The following DNAJB4 variants were observed in gnomAD, a reference collection of about 807,000 sequenced individuals.
The protein encoded by DNAJB4 is dnaJ homolog subfamily B member 4.
In DNAJB4, 10 loss-of-function variants were observed where a neutral mutation model predicts 26.6. The observed-to-expected ratio is 0.38, with a 90% CI of 0.23 to 0.64. The LOEUF is 0.64. Among genes scored for constraint, DNAJB4 ranks in the 30% least tolerant of loss-of-function variants. DNAJB4 has a pLI of 0.58. For missense variants in DNAJB4, 328 were observed against 408.2 expected, an observed-to-expected ratio of 0.80 and a Z score of 1.69; for synonymous variants, 136 against 134.8, an observed-to-expected ratio of 1.01 and a Z score of -0.06.
intron 1 of DNAJB4, among the ~76,000 whole-genome samples, chr1:78,011,517 T>C (rs1034137686): frequency 3.3e-5 from 5 of 149,404 alleles, no homozygotes; most frequent in Admixed American, 1.3e-4. Context: ...GGAGTTTTGC[T>C]CCTGTTGCCC....
chr1:77,987,925 C>T (rs1379903219), intron 1 of DNAJB4, among the ~76,000 whole-genome samples: 1 of 146,614 alleles, frequency 6.8e-6, no homozygotes, highest in Non-Finnish European at 1.5e-5. Context: ...TATATATGTA[C>T]ATATATATAC....
intron 1 of DNAJB4, among the ~76,000 whole-genome samples, chr1:77,989,176 G>A (rs868477344): frequency 1.1e-4 from 16 of 152,170 alleles, no homozygotes; most frequent in Middle Eastern, 6.8e-3. Context: ...AATTGTCGTC[G>A]TCTACTTCCT....
At chr1:78,003,241 G>T (rs1014901023), upstream of DNAJB4, among the ~76,000 whole-genome samples, 1 of 151,968 alleles carries the variant, frequency 6.6e-6, no homozygotes, top group African/African-American at 2.4e-5. Flanking sequence ...GAGTCTTAAG[G>T]TGACTGGATA....
At chr1:77,991,255 C>CA (rs1215677748) in intron 1 of DNAJB4, among the ~76,000 whole-genome samples, 1 of 152,146 alleles carries the variant, frequency 6.6e-6, no homozygotes, top group African/African-American at 2.4e-5. Context: ...TGTTCAAAAA[C>CA]AATTTTTTAA....
intron 1 of DNAJB4, among the ~76,000 whole-genome samples, chr1:78,010,981 A>C (rs80040254): frequency 6.6e-6 from 1 of 152,308 alleles, no homozygotes; most frequent in African/African-American, 2.4e-5. Flanking sequence ...CCTGCCTTCA[A>C]ATCACTCACT....
chr1:77,988,071 G>T (rs1010453798), intron 1 of DNAJB4, among the ~76,000 whole-genome samples: 1 of 143,008 alleles, frequency 7.0e-6, no homozygotes, highest in African/African-American at 2.6e-5. Context: ...GGTCACTCAG[G>T]CTTGAGTGCA....
upstream of DNAJB4, chr1:77,979,529 G>T (rs1318942700): frequency 6.5e-6 from 1 of 153,398 alleles, no homozygotes; most frequent in African/African-American, 2.4e-5. Flanking sequence ...GCCGCCCGGA[G>T]GGCGCCAGGA....
chr1:77,984,405 C>T lies in DNAJB4; in HGVS notation c.-32+4083C>T, dbSNP rs892258933. On this transcript the variant is annotated intron_variant, in intron 1 of 2. Coordinates refer to the DNAJB4 transcript ENST00000426517. ...TCATCAAGAGTGCTTTTTAGCCGTA[C>T]GTGGACCTACTGAATCATGTTTTGG... Among the ~76,000 whole-genome samples the T allele has an allele frequency of 3.9e-5, 6 of 152,310 alleles. No individual in the cohort carries two copies. The South Asian group carries it at 8.3e-4, about 21-fold the overall frequency.
At chr1:78,006,876 C>G (rs78009488) in intron 1 of DNAJB4, among the ~76,000 whole-genome samples, 77 of 152,304 alleles carry the variant, frequency 5.1e-4, no homozygotes, top group Non-Finnish European at 9.8e-4. Context: ...TGGAATGACA[C>G]TGTGAATTCC....
chr1:77,980,373 G>GTA (rs1659545490), intron 1 of DNAJB4: 1 of 142,708 alleles, frequency 7.0e-6, no homozygotes, highest in Non-Finnish European at 1.5e-5. Flanking sequence ...GTGTGTGTGT[G>GTA]TAAATTGGTA....
At chr1:77,997,693 C>A (rs577777100) in intron 1 of DNAJB4, among the ~76,000 whole-genome samples, 2 of 152,136 alleles carry the variant, frequency 1.3e-5, no homozygotes, top group Non-Finnish European at 2.9e-5. Context: ...CTGTCAAAAT[C>A]TATCAGTCTT....
chr1:77,990,146 A>C (rs1659897272), intron 1 of DNAJB4, among the ~76,000 whole-genome samples: 1 of 152,210 alleles, frequency 6.6e-6, no homozygotes, highest in Non-Finnish European at 1.5e-5. Context: ...TAGAAAGAAG[A>C]TATGAATGGT....
At chr1:78,011,457 C>A (rs187451891) in intron 1 of DNAJB4, among the ~76,000 whole-genome samples, 37 of 151,610 alleles carry the variant, frequency 2.4e-4, no homozygotes, top group African/African-American at 8.5e-4. Flanking sequence ...ATTTTTTTCA[C>A]TCTCTGACAC....
intron 1 of DNAJB4, among the ~76,000 whole-genome samples, chr1:78,011,282 TAG>T (rs1660465140): frequency 6.6e-6 from 1 of 152,198 alleles, no homozygotes; most frequent in African/African-American, 2.4e-5. Context: ...ATAACCCATA[TAG>T]AGGCCTTACG....
At chr1:77,993,307 T>C (rs1221496097) in intron 1 of DNAJB4, among the ~76,000 whole-genome samples, 2 of 152,062 alleles carry the variant, frequency 1.3e-5, no homozygotes, top group African/African-American at 4.8e-5. Context: ...TATAAACTCC[T>C]TTTTCTTTTA....
chr1:78,015,843 C>T (rs1660627187), intron 2 of DNAJB4, among the ~76,000 whole-genome samples, 171 bp from the exon 3 acceptor site: 1 of 152,042 alleles, frequency 6.6e-6, no homozygotes, highest in Admixed American at 6.6e-5. Flanking sequence ...GCCACCGTGC[C>T]TGACCTCTGA....
rs1252944855 is a variant in DNAJB4 at position 78,005,239 on chromosome 1, A to G, written c.129A>G (p.Glu43=). The G allele has an allele frequency of 1.9e-6, 3 of 1,614,000 alleles. No homozygotes were observed. The Admixed American group carries it at 5.0e-5, about 27-fold the overall frequency. The stretch of plus-strand genomic sequence containing the variant: ...AGAACAAATCTCCTCAGGCAGAGGA[A>G]AAATTTAAAGAGGTCGCAGAAGCTT... The part of the protein sequence containing the change: ...PDKNKSPQAE[E]KFKEVAEAYE... Residue 43 remains glutamate, a synonymous_variant, in exon 1 of 3, where the codon GAA becomes GAG. Transcript: ENST00000370763.
intron 1 of DNAJB4, among the ~76,000 whole-genome samples, chr1:78,011,966 A>G (rs1391333032): frequency 2.7e-5 from 4 of 148,366 alleles, no homozygotes; most frequent in Non-Finnish European, 1.5e-5. Context: ...AATGTTATAT[A>G]TATTGTTTGA....
At chr1:77,998,503 G>T (rs938900120) in intron 1 of DNAJB4, among the ~76,000 whole-genome samples, 1 of 152,150 alleles carries the variant, frequency 6.6e-6, no homozygotes, top group Non-Finnish European at 1.5e-5. Flanking sequence ...TTAAGTTTAT[G>T]TATTTCAGCT....
Sources: allele counts gnomAD v4.1 joint callset (sites outside exome capture counted in the v4.1 genomes callset), GRCh38; gene constraint gnomAD v4.1.1; transcripts MANE v1.5; gene names NCBI Gene and HGNC (gene_info 2026-07-23, HGNC 2026-07-21).